UBAP2: variants seen among roughly 807,000 people sequenced by gnomAD.
UBAP2 encodes the protein ubiquitin associated protein 2.
In UBAP2, 75 loss-of-function variants were observed where a neutral mutation model predicts 139.6. The observed-to-expected ratio is 0.54, with a 90% CI of 0.45 to 0.65. The LOEUF (loss-of-function observed/expected upper bound fraction) is 0.65, where lower values mean the gene tolerates loss of function less well. Ranked by LOEUF, UBAP2 falls within the 30% of genes least tolerant of loss-of-function variation. UBAP2 has a pLI of 0.00. For synonymous variants in UBAP2, 526 were observed against 526.2 expected (o/e 1.00, Z 0.01); for missense variants, 1,368 against 1,369.6 (o/e 1.00, Z 0.02).
intron 9 of UBAP2, among the ~76,000 whole-genome samples, chr9:33,961,996 T>C (rs1297046250): frequency 6.6e-6 from 1 of 152,236 alleles, no homozygotes; most frequent in Non-Finnish European, 1.5e-5. Context: ...AAAATACAGA[T>C]GTTTCAAAAC....
intron 2 of UBAP2, among the ~76,000 whole-genome samples, chr9:33,999,069 T>C (rs1822450672): frequency 6.6e-6 from 1 of 152,178 alleles, no homozygotes; most frequent in Admixed American, 6.5e-5. Flanking sequence ...AAAGGACCCA[T>C]TCCTTTGACC....
chr9:33,988,597 C>CCA (rs892103100), intron 5 of UBAP2, among the ~76,000 whole-genome samples: 8 of 152,150 alleles, frequency 5.3e-5, no homozygotes, highest in South Asian at 2.1e-4. Flanking sequence ...CCCTTCTTTG[C>CCA]CACACACACA....
chr9:33,930,813 T>C lies in UBAP2; in HGVS notation c.2175+1749A>G, dbSNP rs56851583. 3.3e-3 allele frequency among the ~76,000 whole-genome samples: 496 copies of C among 149,946 alleles called. 4 individuals are homozygous for C. The highest frequency in any genetic ancestry group is 0.011 in the African/African-American group (461 of 40,548). ...CAGGAGACTGAGGCAGGAGGATCGC[T>C]TGAACCCGGGAAGTGGAGGTTGCAG... On this transcript the variant is annotated intron_variant, in intron 19 of 28. Transcript: ENST00000379238.
At chr9:33,999,729 T>G (rs561503270) in intron 2 of UBAP2, among the ~76,000 whole-genome samples, 44 of 152,166 alleles carry the variant, frequency 2.9e-4, no homozygotes, top group Middle Eastern at 3.4e-3. Context: ...TTTCTTTTTT[T>G]GAGATGGAGC....
At chr9:34,042,393 G>A (rs774280015) in intron 1 of UBAP2, among the ~76,000 whole-genome samples, 6 of 150,664 alleles carry the variant, frequency 4.0e-5, no homozygotes, top group Non-Finnish European at 7.4e-5. Flanking sequence ...CTGGAGATTC[G>A]CTTGAACTTG....
intron 6 of UBAP2, among the ~76,000 whole-genome samples, chr9:33,977,796 G>A (rs1820287856): frequency 6.6e-6 from 1 of 151,600 alleles, no homozygotes; most frequent in African/African-American, 2.4e-5. Context: ...CCGAGCGGCT[G>A]GGATTACAGG....
intron 1 of UBAP2, among the ~76,000 whole-genome samples, chr9:34,036,013 GAAC>G (rs2131348526): frequency 6.6e-6 from 1 of 151,884 alleles, no homozygotes; most frequent in East Asian, 1.9e-4. Context: ...AAACAAAATA[GAAC>G]AAAGCAAAAT....
At chr9:33,949,739 A>G (rs1320352590) in intron 12 of UBAP2, among the ~76,000 whole-genome samples, 1 of 152,150 alleles carries the variant, frequency 6.6e-6, no homozygotes, top group Non-Finnish European at 1.5e-5. Flanking sequence ...GCACACACGC[A>G]CAAGATCAAA....
At chr9:34,045,135 TAGG>T (rs1426189446) in intron 1 of UBAP2, among the ~76,000 whole-genome samples, 2 of 151,816 alleles carry the variant, frequency 1.3e-5, no homozygotes, top group Non-Finnish European at 1.5e-5. Context: ...ATCACGAGGT[TAGG>T]AGATCAAGAC....
At chr9:33,961,805 T>C (rs912109977) in intron 9 of UBAP2, among the ~76,000 whole-genome samples, 3 of 152,168 alleles carry the variant, frequency 2.0e-5, no homozygotes. Flanking sequence ...CAGGTAACCA[T>C]GTCTACCTTC....
At chr9:33,926,560 G>T (rs780605148) in intron 22 of UBAP2, 57 bp downstream of exon 22, 1 of 1,593,358 alleles carries the variant, frequency 6.3e-7, no homozygotes, top group Non-Finnish European at 8.6e-7. Flanking sequence ...ACCATAAGAG[G>T]GGGGACATGT....
intron 2 of UBAP2, among the ~76,000 whole-genome samples, chr9:34,006,919 CA>C (rs1419486031): frequency 6.6e-6 from 1 of 151,924 alleles, no homozygotes; most frequent in East Asian, 1.9e-4. Flanking sequence ...ACTAAATGGC[CA>C]AAGGAGAAGC....
intron 1 of UBAP2, among the ~76,000 whole-genome samples, chr9:34,048,147 A>G (rs1200467668): frequency 1.3e-5 from 2 of 152,232 alleles, no homozygotes; most frequent in Non-Finnish European, 2.9e-5. Context: ...GTTGTAATGC[A>G]CCAATGAAAG....
rs748133720 is a variant in UBAP2, at chr9:33,973,197, T to C, written c.561A>G (p.Ser187=). The change falls in exon 7 of 29, where the codon TCA becomes TCG. Residue 187 remains serine, a synonymous_variant. Coordinates refer to ENST00000379238, the MANE Select transcript of UBAP2 (RefSeq NM_001370062.2). ...CTATCACTTACCCCATGCCTTGGGT[T>C]GAGAACCTTCCTGCCCCTCTCCCTC... ...RGRGRGAGRF[S]TQGMGTFNPA... The C allele has an allele frequency of 3.5e-5, 57 of 1,613,710 alleles. No individual in the cohort carries two copies. In the Admixed American group the frequency reaches 9.5e-4, roughly 27 times the overall value.
intron 6 of UBAP2, among the ~76,000 whole-genome samples, chr9:33,981,226 G>GATATATATATATATATATTCTGGAT (rs1217356369): frequency 4.6e-5 from 1 of 21,796 alleles, no homozygotes; most frequent in Non-Finnish European, 8.2e-5. Context: ...ATATATTCTG[G>GATATATATATATATATATTCTGGAT]ATATATATAT....
At chr9:34,045,594 G>T (rs373021130) in intron 1 of UBAP2, among the ~76,000 whole-genome samples, 3 of 151,720 alleles carry the variant, frequency 2.0e-5, no homozygotes, top group Non-Finnish European at 2.9e-5. Flanking sequence ...GGTTAGTCTC[G>T]AACTCCCGAC....
Position 34,017,074 on chromosome 9 carries a change from C to A in UBAP2, c.75G>T (p.Thr25=), listed in dbSNP as rs147991027. 2 of 1,607,122 alleles carry A rather than the reference C, an allele frequency of 1.2e-6. No individual in the cohort carries two copies. The highest frequency in any genetic ancestry group is 1.7e-6 in the Non-Finnish European group (2 of 1,178,390). ...CCTGTACCACTTGTTTCTGTGGTTG[C>A]GTTGATTGTGCTGCTGAAATCTGTG... ...EKPQISAAQS[T]QPQKQVVQAT... is the part of the protein sequence containing the mutation. Residue 25 remains threonine, a synonymous_variant, in exon 2 of 29, where the codon ACG becomes ACT. Coordinates refer to ENST00000379238, the MANE Select transcript of UBAP2 (RefSeq NM_001370062.2).
intron 4 of UBAP2, among the ~76,000 whole-genome samples, chr9:33,993,841 A>G (rs1821918455): frequency 6.6e-6 from 1 of 151,680 alleles, no homozygotes; most frequent in Non-Finnish European, 1.5e-5. Flanking sequence ...ACACTATAAA[A>G]TCGTTCAAGA....
intron 2 of UBAP2, among the ~76,000 whole-genome samples, chr9:34,014,092 G>T (rs902479453): frequency 1.3e-4 from 20 of 151,366 alleles, no homozygotes; most frequent in Non-Finnish European, 2.5e-4. Context: ...GGAGATCAAG[G>T]GGGGGACAGA....
Sources: allele counts gnomAD v4.1 joint callset (sites outside exome capture counted in the v4.1 genomes callset), GRCh38; gene constraint gnomAD v4.1.1; transcripts MANE v1.5; gene names NCBI Gene and HGNC (gene_info 2026-07-23, HGNC 2026-07-21).